TTC28: variants seen among roughly 807,000 people sequenced by gnomAD.
TTC28 encodes tetratricopeptide repeat protein 28.
In TTC28, 61 loss-of-function variants were observed where a neutral mutation model predicts 198.0. The ratio of observed to expected loss-of-function variants is 0.31; its 90% CI spans 0.25 to 0.38. TTC28 has a LOEUF of 0.38. Among genes scored for constraint, TTC28 ranks in the 10% least tolerant of loss-of-function variants. TTC28 has a pLI of 1.00. For missense variants in TTC28, 2,678 were observed against 3,164.0 expected (o/e 0.85, Z 3.69); for synonymous variants, 1,171 against 1,297.8 (o/e 0.90, Z 2.10).
chr22:28,362,707 G>A (rs1430467490), intron 2 of TTC28, among the ~76,000 whole-genome samples: 1 of 152,126 alleles, frequency 6.6e-6, no homozygotes, highest in Non-Finnish European at 1.5e-5. Context: ...AGATGGAGAT[G>A]GGGAACTTGT....
At chr22:28,101,682 A>G (rs896597382) in intron 8 of TTC28, among the ~76,000 whole-genome samples, 1 of 151,668 alleles carries the variant, frequency 6.6e-6, no homozygotes, top group African/African-American at 2.4e-5. Flanking sequence ...TGTCTATAAA[A>G]GAATGTTAAC....
At chr22:28,440,627 T>TA in intron 2 of TTC28, among the ~76,000 whole-genome samples, 1 of 152,178 alleles carries the variant, frequency 6.6e-6, no homozygotes, top group Non-Finnish European at 1.5e-5. Context: ...CTAGCTTTGT[T>TA]AAAATCACAT....
rs888156452 is a variant in TTC28, at chr22:28,306,883, C to G, written c.382-240G>C. 2.6e-5 allele frequency among the ~76,000 whole-genome samples: 4 copies of G among 152,276 alleles called. No homozygotes were observed. The East Asian group carries it at 5.8e-4, about 22-fold the overall frequency. ...TAAGACACATCAATTTTATCACATT[C>G]TTTGGTATTTATTCACACGTTACTT... On this transcript the variant is annotated intron_variant, in intron 2 of 22. Transcript: ENST00000397906.
chr22:28,591,775 AT>A (rs529924610), intron 2 of TTC28, among the ~76,000 whole-genome samples: 1 of 152,114 alleles, frequency 6.6e-6, no homozygotes, highest in East Asian at 1.9e-4. Context: ...TGACTCAAAG[AT>A]TTTTTTTAAT....
intron 14 of TTC28, 187 bp from the exon 15 acceptor site, chr22:28,001,740 G>A (rs932760936): frequency 1.1e-5 from 7 of 644,102 alleles, no homozygotes; most frequent in African/African-American, 5.5e-5. Flanking sequence ...TGGCATGCTC[G>A]CTTGTGGACT....
At chr22:28,270,149 A>AAAAC (rs539832732) in intron 5 of TTC28, among the ~76,000 whole-genome samples, 150 of 152,358 alleles carry the variant, frequency 9.8e-4, no homozygotes, top group African/African-American at 3.3e-3. Context: ...AAGGAGACAT[A>AAAAC]AAACATCAAT....
In TTC28 at chr22:28,001,431, G is replaced by A. The variant is rs564603781; in HGVS notation, c.4341C>T (p.Tyr1447=). 5.0e-5 allele frequency: 77 copies of A among 1,551,594 alleles called. No individual in the cohort carries two copies. The Admixed American group carries it at 5.3e-4, about 11-fold the overall frequency. ...LKGSSSNEYL[Y]ERFGLLAVPS... is the part of the protein sequence containing the mutation. ...GGACAGCAAGGAGGCCGAAGCGCTC[G>A]TAGAGGTACTCATTGGAGGAGCTTC... The change falls in exon 15 of 23, where the codon TAC becomes TAT. Residue 1447 remains tyrosine (Y), a synonymous_variant. Coordinates refer to ENST00000397906, the MANE Select transcript of TTC28 (RefSeq NM_001145418.2).
At chr22:28,619,530 T>G (rs1601629541) in intron 2 of TTC28, among the ~76,000 whole-genome samples, 1 of 152,226 alleles carries the variant, frequency 6.6e-6, no homozygotes, top group East Asian at 1.9e-4. Context: ...GTACATCAAT[T>G]GACATAAATG....
chr22:28,214,265 G>A (rs1332156552), intron 5 of TTC28, among the ~76,000 whole-genome samples: 4 of 152,194 alleles, frequency 2.6e-5, no homozygotes, highest in Non-Finnish European at 5.9e-5. Context: ...GGCAACAAAA[G>A]TCAAAATTGA....
intron 6 of TTC28, among the ~76,000 whole-genome samples, chr22:28,157,963 A>G (rs1943786695): frequency 6.6e-6 from 1 of 152,176 alleles, no homozygotes; most frequent in African/African-American, 2.4e-5. Context: ...ACTAAAATGG[A>G]AGAAATCAAA....
intron 5 of TTC28, among the ~76,000 whole-genome samples, chr22:28,235,673 G>A (rs543387353): frequency 2.0e-4 from 30 of 152,276 alleles, no homozygotes; most frequent in African/African-American, 5.8e-4. Context: ...TAATGGTAGC[G>A]TCTCAAAGCA....
chr22:28,397,906 G>T (rs1240827170), intron 2 of TTC28, among the ~76,000 whole-genome samples: 3 of 152,162 alleles, frequency 2.0e-5, no homozygotes, highest in African/African-American at 7.2e-5. Context: ...GGATCCCTGG[G>T]TGTATCCCAA....
intron 2 of TTC28, among the ~76,000 whole-genome samples, chr22:28,384,382 C>T (rs890445508): frequency 1.3e-5 from 2 of 152,158 alleles, no homozygotes; most frequent in African/African-American, 4.8e-5. Context: ...GCCATGGTAC[C>T]TAAGCCCTTC....
At chr22:28,464,127 T>A (rs986632347) in intron 2 of TTC28, among the ~76,000 whole-genome samples, 1 of 152,114 alleles carries the variant, frequency 6.6e-6, no homozygotes. Flanking sequence ...ACCCTTTCCA[T>A]CATCTTCCTT....
intron 7 of TTC28, 94 bp from the exon 8 acceptor site, chr22:28,105,896 CACTT>C (rs1324667371): frequency 1.4e-6 from 2 of 1,391,388 alleles, no homozygotes; most frequent in Admixed American, 2.8e-5. Flanking sequence ...TTGTCACTGT[CACTT>C]ACTATAGAAG....
At chr22:28,150,652 G>A (rs533484110) in intron 6 of TTC28, among the ~76,000 whole-genome samples, 9 of 152,328 alleles carry the variant, frequency 5.9e-5, no homozygotes, top group Non-Finnish European at 1.5e-5. Context: ...GCAGAACCCA[G>A]GGTCACATCT....
intron 1 of TTC28, among the ~76,000 whole-genome samples, chr22:28,649,667 C>G (rs1355284427): frequency 2.0e-5 from 3 of 152,164 alleles, no homozygotes; most frequent in Non-Finnish European, 4.4e-5. Flanking sequence ...AAGTAAGTCA[C>G]TACCATTTTA....
At chr22:28,364,248 G>A (rs944245242) in intron 2 of TTC28, among the ~76,000 whole-genome samples, 24 of 152,050 alleles carry the variant, frequency 1.6e-4, no homozygotes, top group Admixed American at 7.9e-4. Flanking sequence ...TTATAAAAAG[G>A]AGTTCCCCTG....
intron 1 of TTC28, among the ~76,000 whole-genome samples, chr22:28,652,223 T>G (rs1178076908): frequency 6.6e-6 from 1 of 152,218 alleles, no homozygotes; most frequent in Non-Finnish European, 1.5e-5. Flanking sequence ...GAAGCATATA[T>G]GTGAAAAAGT....
Sources: allele counts gnomAD v4.1 joint callset (sites outside exome capture counted in the v4.1 genomes callset), GRCh38; gene constraint gnomAD v4.1.1; transcripts MANE v1.5; gene names NCBI Gene and HGNC (gene_info 2026-07-23, HGNC 2026-07-21).